The following BLTP1 variants were observed in gnomAD, a reference collection of about 807,000 sequenced individuals.
BLTP1 encodes the protein bridge-like lipid transfer protein family member 1, also known as fragile site-associated protein.
the BLTP1 span, chr4:122,347,288 A>G: frequency 1.0e-6 from 1 of 955,866 alleles, no homozygotes. Flanking sequence ...GTCTGAGTGT[A>G]TTCCCTCACC....
At chr4:122,197,902 T>C in the BLTP1 span, 1 of 869,540 alleles carries the variant, frequency 1.2e-6, no homozygotes, top group Non-Finnish European at 1.4e-6. Flanking sequence ...TGTTATAACT[T>C]CATTTTGCCT....
At chr4:122,199,797 C>T in the BLTP1 span, 92 of 422,428 alleles carry the variant, frequency 2.2e-4, 1 homozygote, top group South Asian at 3.5e-3. Context: ...TTTCTAGCCC[C>T]GCTGGATTTC....
the BLTP1 span, among the ~76,000 whole-genome samples, chr4:122,337,862 T>C: frequency 6.7e-6 from 1 of 148,186 alleles, no homozygotes; most frequent in Non-Finnish European, 1.5e-5. Context: ...TAGTATATAT[T>C]ATATATAATA....
At chr4:122,309,582 A>G in the BLTP1 span, 3 of 1,027,778 alleles carry the variant, frequency 2.9e-6, no homozygotes, top group Non-Finnish European at 4.2e-6. Context: ...TTGAGAAAGA[A>G]GGGCTATTTC....
chr4:122,334,421 CAA>C, the BLTP1 span: 1 of 1,612,930 alleles, frequency 6.2e-7, no homozygotes, highest in Non-Finnish European at 8.5e-7. Flanking sequence ...GAACACTGTC[CAA>C]AGAGTCCAAG....
chr4:122,258,064 C>G, the BLTP1 span, among the ~76,000 whole-genome samples: 7 of 152,126 alleles, frequency 4.6e-5, no homozygotes, highest in East Asian at 1.4e-3. Flanking sequence ...TGCGCTCAGC[C>G]TACAATTTTG....
At chr4:122,185,486 AT>A in the BLTP1 span, 1 of 901,676 alleles carries the variant, frequency 1.1e-6, no homozygotes, top group Non-Finnish European at 1.3e-6. Flanking sequence ...GGATTCATTA[AT>A]TACTATTGCT....
the BLTP1 span, among the ~76,000 whole-genome samples, chr4:122,351,669 G>A: frequency 2.0e-5 from 3 of 152,162 alleles, no homozygotes; most frequent in South Asian, 6.2e-4. Context: ...ATCTTTTTCA[G>A]TTACTTCTTT....
the BLTP1 span, chr4:122,343,446 G>C: frequency 6.2e-7 from 1 of 1,613,952 alleles, no homozygotes; most frequent in South Asian, 1.1e-5. Flanking sequence ...GGCCGAAGTC[G>C]ACATAGTAGT....
chr4:122,194,820 C>T, the BLTP1 span: 1 of 358,430 alleles, frequency 2.8e-6, no homozygotes, highest in Non-Finnish European at 3.9e-6. Context: ...TTTGCTTTAA[C>T]CACTCCTTTC....
At chr4:122,264,413 C>A in the BLTP1 span, 1 of 1,606,336 alleles carries the variant, frequency 6.2e-7, no homozygotes, top group Non-Finnish European at 8.5e-7. Context: ...TGCTGTTCAG[C>A]TTGCTGATGC....
the BLTP1 span, chr4:122,331,236 G>A: frequency 6.9e-7 from 1 of 1,458,350 alleles, no homozygotes; most frequent in East Asian, 2.5e-5. Flanking sequence ...TTTATTTACA[G>A]ACTGTTGCTC....
the BLTP1 span, chr4:122,291,631 A>G: frequency 1.6e-6 from 1 of 635,094 alleles, no homozygotes; most frequent in Non-Finnish European, 2.0e-6. Flanking sequence ...CTTGGGTTTC[A>G]GAAAGATGTA....
the BLTP1 span, among the ~76,000 whole-genome samples, chr4:122,296,749 CAG>C: frequency 6.6e-6 from 1 of 152,054 alleles, no homozygotes; most frequent in Non-Finnish European, 1.5e-5. Flanking sequence ...ATAGAGAACT[CAG>C]AAATAAGACC....
the BLTP1 span, chr4:122,273,249 A>G: frequency 2.1e-5 from 20 of 971,208 alleles, no homozygotes; most frequent in Non-Finnish European, 2.4e-5. Context: ...ACTTTTTGTT[A>G]TATACCCTTC....
the BLTP1 span, chr4:122,205,779 G>GTCTC: frequency 1.1e-5 from 1 of 92,250 alleles, no homozygotes; most frequent in African/African-American, 3.9e-5. Flanking sequence ...CTCTTTCTCT[G>GTCTC]TCACATACAC....
chr4:122,306,726 G>C, the BLTP1 span: 1 of 917,790 alleles, frequency 1.1e-6, no homozygotes, highest in African/African-American at 1.8e-5. Flanking sequence ...ATAGCAGTAG[G>C]TTTCATAGAA....
At chr4:122,231,783 T>G in the BLTP1 span, 151,574 of 969,598 alleles carry the variant, frequency 0.16, 12,743 homozygotes, top group Non-Finnish European at 0.17. Context: ...ATTTCTCTGT[T>G]TAACAAAATG....
chr4:122,312,854 A>G, the BLTP1 span: 1 of 830,212 alleles, frequency 1.2e-6, no homozygotes, highest in African/African-American at 1.8e-5. Context: ...AGAGTGAATT[A>G]CAAAAGGACA....
Sources: allele counts gnomAD v4.1 joint callset (sites outside exome capture counted in the v4.1 genomes callset), GRCh38; gene constraint gnomAD v4.1.1; transcripts MANE v1.5; gene names NCBI Gene and HGNC (gene_info 2026-07-23, HGNC 2026-07-21).